The following DYNC2I2 variants were observed in gnomAD, a reference collection of about 807,000 sequenced individuals.
DYNC2I2 encodes the protein dynein 2 intermediate chain 2, also known as cytoplasmic dynein 2 intermediate chain 2.
A neutral mutation model predicts 52.0 loss-of-function variants in DYNC2I2; 39 were observed. That is an observed-to-expected ratio of 0.75 (90% CI 0.58 to 0.98). The LOEUF (loss-of-function observed/expected upper bound fraction) is 0.98, where lower values mean the gene tolerates loss of function less well. DYNC2I2 is among the 50% of genes least tolerant of loss of function. DYNC2I2 has a pLI of 0.00. For synonymous variants in DYNC2I2, 359 were observed against 321.1 expected (o/e 1.12, Z -1.26); for missense variants, 743 against 728.4 (o/e 1.02, Z -0.23).
intron 2 of DYNC2I2, among the ~76,000 whole-genome samples, chr9:128,640,012 C>T (rs375024385): frequency 2.9e-4 from 35 of 118,864 alleles, no homozygotes; most frequent in Admixed American, 3.9e-4. Flanking sequence ...AGGAGACATT[C>T]TTTTTTTTTT....
At chr9:128,676,763 C>T in the DYNC2I2 span, among the ~76,000 whole-genome samples, 1 of 151,860 alleles carries the variant, frequency 6.6e-6, no homozygotes, top group South Asian at 2.1e-4. Context: ...AAACTCCTGA[C>T]TTCAAGTGAT....
In DYNC2I2 at chr9:128,654,016, A is replaced by G. The variant is rs113653309; in HGVS notation, c.186+2525T>C. On this transcript the variant is annotated intron_variant, in intron 1 of 8. Coordinates refer to ENST00000372715, the MANE Select transcript of DYNC2I2 (RefSeq NM_052844.4). ...GCAAAGCCAGACTCCATCTCAAAAG[A>G]AAACAAAAAACAAAAACAAAATGTT... Among the ~76,000 whole-genome samples the G allele has an allele frequency of 2.9e-3, 440 of 152,290 alleles. 1 individual carries two copies. Among genetic ancestry groups the G allele is most frequent in the African/African-American group, 0.01 (426 of 41,574 alleles).
chr9:128,667,065 G>A, the DYNC2I2 span, among the ~76,000 whole-genome samples: 1 of 151,532 alleles, frequency 6.6e-6, no homozygotes, highest in Non-Finnish European at 1.5e-5. Context: ...CAGGTGTGGT[G>A]GTGGGCACCT....
At chr9:128,643,265 G>T (rs980774537) in intron 1 of DYNC2I2, among the ~76,000 whole-genome samples, 3 of 152,108 alleles carry the variant, frequency 2.0e-5, no homozygotes, top group African/African-American at 7.2e-5. Context: ...AGTGGCTCAT[G>T]CCTGTAATCC....
intron 1 of DYNC2I2, among the ~76,000 whole-genome samples, chr9:128,655,146 G>A (rs913223831): frequency 9.2e-5 from 14 of 151,542 alleles, no homozygotes; most frequent in Non-Finnish European, 1.5e-4. Flanking sequence ...TTTCGTGTGC[G>A]TTTGATTAAA....
intron 2 of DYNC2I2, among the ~76,000 whole-genome samples, chr9:128,637,910 G>C (rs544916430): frequency 6.0e-4 from 92 of 152,228 alleles, no homozygotes; most frequent in African/African-American, 2.2e-3. Flanking sequence ...TGACGTTTCA[G>C]ATCTGTTGAC....
At chr9:128,679,457 GTAAT>G in the DYNC2I2 span, among the ~76,000 whole-genome samples, 6 of 152,072 alleles carry the variant, frequency 3.9e-5, no homozygotes, top group East Asian at 1.9e-4. Flanking sequence ...TTTAGTTAAA[GTAAT>G]TAATTAATTA....
intron 1 of DYNC2I2, among the ~76,000 whole-genome samples, chr9:128,643,721 GA>G (rs1860561553): frequency 2.0e-5 from 3 of 152,130 alleles, no homozygotes; most frequent in Admixed American, 2.0e-4. Flanking sequence ...GGGAATCGTG[GA>G]AAGAAGGAAA....
At chr9:128,676,891 C>T in the DYNC2I2 span, among the ~76,000 whole-genome samples, 11 of 151,540 alleles carry the variant, frequency 7.3e-5, no homozygotes, top group Admixed American at 6.6e-4. Context: ...CTCTATTGCC[C>T]AGGCTAGAAT....
intron 1 of DYNC2I2, among the ~76,000 whole-genome samples, chr9:128,642,180 G>A (rs1481582460): frequency 2.6e-5 from 4 of 151,476 alleles, no homozygotes; most frequent in African/African-American, 9.7e-5. Context: ...CCAGCTACTC[G>A]GGAGGCTGAG....
chr9:128,657,131 A>G (rs1860847727), upstream of DYNC2I2, among the ~76,000 whole-genome samples: 1 of 152,176 alleles, frequency 6.6e-6, no homozygotes, highest in African/African-American at 2.4e-5. Context: ...CTTCCAGCAG[A>G]TCCGAGAACC....
chr9:128,654,802 G>A (rs1860784618), intron 1 of DYNC2I2, among the ~76,000 whole-genome samples: 1 of 152,102 alleles, frequency 6.6e-6, no homozygotes, highest in Admixed American at 6.6e-5. Flanking sequence ...CCAAATCTTT[G>A]CTAAAATGTC....
At chr9:128,655,908 C>CAAAAA (rs538687665) in intron 1 of DYNC2I2, among the ~76,000 whole-genome samples, 2 of 41,108 alleles carry the variant, frequency 4.9e-5, no homozygotes, top group East Asian at 1.5e-3. Context: ...GAGACTGTCT[C>CAAAAA]AAAAAAAAAA....
chr9:128,662,910 T>G, the DYNC2I2 span, among the ~76,000 whole-genome samples: 3 of 151,390 alleles, frequency 2.0e-5, no homozygotes, highest in African/African-American at 7.3e-5. Context: ...GTTCAAGCAT[T>G]TCTCATGTCT....
upstream of DYNC2I2, among the ~76,000 whole-genome samples, chr9:128,657,814 AT>A (rs1281165277): frequency 6.6e-6 from 1 of 152,208 alleles, no homozygotes; most frequent in African/African-American, 2.4e-5. Flanking sequence ...CTCTAAAAAA[AT>A]AATAATAGGC....
At chr9:128,671,497 C>T in the DYNC2I2 span, among the ~76,000 whole-genome samples, 6 of 119,498 alleles carry the variant, frequency 5.0e-5, no homozygotes, top group East Asian at 1.5e-3. Flanking sequence ...TTTTTTGAGA[C>T]GGAGTCTCAC....
upstream of DYNC2I2, among the ~76,000 whole-genome samples, chr9:128,660,817 C>T (rs1456452781): frequency 1.3e-5 from 2 of 151,978 alleles, no homozygotes; most frequent in South Asian, 2.1e-4. Context: ...GCAACCTTCA[C>T]CTCTTGAGTT....
At chr9:128,655,335 T>TAAAAAAAAAAAAAAAAAAAAAAAA (rs869197100) in intron 1 of DYNC2I2, among the ~76,000 whole-genome samples, 1 of 18,694 alleles carries the variant, frequency 5.3e-5, no homozygotes, top group African/African-American at 1.5e-4. Flanking sequence ...CCGTCTCTAC[T>TAAAAAAAAAAAAAAAAAAAAAAAA]AAAAAAAAAA....
At chr9:128,635,633 C>T (rs771173972) in intron 5 of DYNC2I2, 25 bp downstream of exon 5, 18 of 1,573,892 alleles carry the variant, frequency 1.1e-5, no homozygotes, top group Non-Finnish European at 1.4e-5. Context: ...CAGGGCCCAC[C>T]CCGCCCGGCA....
Sources: allele counts gnomAD v4.1 joint callset (sites outside exome capture counted in the v4.1 genomes callset), GRCh38; gene constraint gnomAD v4.1.1; transcripts MANE v1.5; gene names NCBI Gene and HGNC (gene_info 2026-07-23, HGNC 2026-07-21).